Variants in CFAP57 observed in about 807,000 individuals in gnomAD.
The protein encoded by CFAP57 is cilia and flagella associated protein 57.
Under a neutral mutation model 146.8 loss-of-function variants are expected in CFAP57, and 116 were observed. That is an observed-to-expected ratio of 0.79 (90% CI 0.68 to 0.92). The LOEUF (loss-of-function observed/expected upper bound fraction) is 0.92, where lower values mean the gene tolerates loss of function less well. Ranked by LOEUF, CFAP57 falls within the 40% of genes least tolerant of loss-of-function variation. The pLI, the probability that CFAP57 is intolerant of heterozygous loss-of-function variation, is 0.00. For synonymous variants in CFAP57, 518 were observed against 552.8 expected (o/e 0.94, Z 0.88); for missense variants, 1,377 against 1,527.2 (o/e 0.90, Z 1.64).
Position 43,183,802 on chromosome 1 carries a change from G to A in CFAP57, c.686G>A (p.Arg229His), listed in dbSNP as rs142097853. Residue 229 changes from arginine (R) to histidine (H), a missense_variant, in exon 4 of 23, where the codon CGT becomes CAT. Coordinates refer to ENST00000372492, the MANE Select transcript of CFAP57 (RefSeq NM_001378189.1). ...KLFLFESGDQ[R>H]WETSIMVKEP... ...TTCCTCTTTGAATCTGGAGATCAGC[G>A]TTGGGAGACCAGCATAATGGTCAAG... 121 of 1,614,216 alleles carry A rather than the reference G, an allele frequency of 7.5e-5. No homozygotes were observed. In the African/African-American group the frequency reaches 1.4e-3, roughly 18 times the overall value.
rs997718179 is a variant in CFAP57, at chr1:43,181,830, C to G, written c.454C>G (p.Gln152Glu). 2 of 1,614,196 alleles carry G rather than the reference C, an allele frequency of 1.2e-6. No individual in the cohort carries two copies. Among genetic ancestry groups the G allele is most frequent in the Admixed American group, 1.7e-5 (1 of 60,028 alleles). Residue 152 changes from glutamine to glutamate, a missense_variant, in exon 3 of 23, where the codon CAG becomes GAG. Transcript: ENST00000372492. ...AATGGCCATTGTTAGAATCGACACT[C>G]AGAACAACCCTGTCTACCAGGTACC... ...KVMAIVRIDT[Q>E]NNPVYQVSFS... is the part of the protein sequence containing the mutation.
In CFAP57 at chr1:43,236,912, C is replaced by CT. The variant is rs112784557; in HGVS notation, c.3405+2274_3405+2275insT. Among the ~76,000 whole-genome samples the CT allele has an allele frequency of 3.2e-3, 389 of 122,668 alleles. 2 individuals are homozygous for CT. The highest frequency in any genetic ancestry group is 5.9e-3 in the Non-Finnish European group (327 of 55,098). 80.5% of individuals were successfully genotyped at this position (122,668 alleles called of 152,430 possible). A position where few individuals can be genotyped will look rare whatever the true frequency, so the allele number is the denominator to read the frequency against. On this transcript the variant is annotated intron_variant, in intron 21 of 22. Coordinates refer to ENST00000372492, the MANE Select transcript of CFAP57 (RefSeq NM_001378189.1). The stretch of plus-strand genomic sequence containing the variant: ...CGACAGAGCGAGACTCCATCCCCCC[C>CT]CAAAAAAAAAAGGCAATTTCCATCC...
At chr1:43,237,286 C>G (rs1218390313) in intron 21 of CFAP57, among the ~76,000 whole-genome samples, 1 of 152,184 alleles carries the variant, frequency 6.6e-6, no homozygotes, top group Non-Finnish European at 1.5e-5. Context: ...TCAGCCTCCC[C>G]ACTCCATTCC....
rs1644142940 is a variant in CFAP57, at chr1:43,201,918, G to A, written c.1542+2415G>A. On this transcript the variant is annotated intron_variant, in intron 9 of 22. Transcript: ENST00000372492. This position sits in a 1 kb window ranked among gnomAD's most constrained non-coding sequence, Gnocchi z 4.4. ...GCGTGAGCCACCGCGCCTGGCCCACGGACATTATTAATGAGAGCTGCTGAG... is the reference window on the plus strand; with the variant it reads ...GCGTGAGCCACCGCGCCTGGCCCACAGACATTATTAATGAGAGCTGCTGAG... 1.3e-5 allele frequency among the ~76,000 whole-genome samples: 2 copies of A among 151,960 alleles called. No individual in the cohort carries two copies. The highest frequency in any genetic ancestry group is 6.6e-5 in the Admixed American group (1 of 15,250).
intron 18 of CFAP57, among the ~76,000 whole-genome samples, chr1:43,231,193 G>A (rs537456971): frequency 3.5e-4 from 53 of 152,294 alleles, no homozygotes; most frequent in African/African-American, 1.2e-3. Context: ...AATGCTTCCA[G>A]TAATGAGGAA....
intron 13 of CFAP57, among the ~76,000 whole-genome samples, chr1:43,220,789 C>T (rs538974374): frequency 9.2e-6 from 1 of 108,676 alleles, no homozygotes; most frequent in Admixed American, 1.2e-4. Flanking sequence ...GTCTATGGGT[C>T]ATAAAGTTCG....
intron 22 of CFAP57, among the ~76,000 whole-genome samples, chr1:43,244,921 A>C (rs1282033627): frequency 6.6e-6 from 1 of 152,104 alleles, no homozygotes; most frequent in Non-Finnish European, 1.5e-5. Context: ...AAAAACAAAA[A>C]AACAAAAAAA....
At position 43,222,896 on chromosome 1, in the gene CFAP57, C is replaced by T. The variant is rs558523595; in HGVS notation, c.2605C>T (p.Arg869Ter). The change falls in exon 16 of 23, where the codon CGA becomes TGA. Residue 869 changes from arginine (R) to a stop codon, truncating the protein, a stop_gained. Coordinates refer to ENST00000372492, the MANE Select transcript of CFAP57 (RefSeq NM_001378189.1). LOFTEE classifies it high-confidence loss of function. ...TKKQIEEDED[R>*]EIQDIKTKYE... ...GAAGCAGATTGAGGAAGATGAAGAC[C>T]GAGAAATCCAAGATATCAAAACCAA... 1.4e-5 allele frequency: 21 copies of T among 1,550,170 alleles called. No individual in the cohort carries two copies. Among genetic ancestry groups the T allele is most frequent in the African/African-American group, 2.7e-5 (2 of 73,008 alleles).
Position 43,227,035 on chromosome 1 carries a change from A to G in CFAP57, c.2918A>G (p.Lys973Arg). The G allele has an allele frequency of 3.2e-6, 5 of 1,538,774 alleles. No homozygotes were observed. In the South Asian group the frequency reaches 4.9e-5, roughly 15 times the overall value. ...AAAAATCAAGAACTAGGGAAATTCA[A>G]GTTTGTGCTTGACTACAAAATAAAG... ...KKKNQELGKF[K>R]FVLDYKIKEL... The change falls in exon 18 of 23, where the codon AAG (lysine) becomes AGG (arginine). Residue 973 changes from lysine to arginine, a missense_variant. Physicochemically the swap from Lys to Arg is conservative, Grantham distance 26. Transcript: ENST00000372492.
At chr1:43,247,691 A>G (rs955146913) in intron 22 of CFAP57, among the ~76,000 whole-genome samples, 1 of 152,246 alleles carries the variant, frequency 6.6e-6, no homozygotes. Context: ...AGAATATTTT[A>G]TTATCTAAAC....
rs139299828 is a variant in CFAP57, at chr1:43,210,431, A to G, written c.1929+515A>G. The G allele has an allele frequency of 6.8e-5, 78 of 1,152,818 alleles. No individual in the cohort carries two copies. The African/African-American group carries it at 7.4e-4, about 11-fold the overall frequency. 71.4% of individuals were successfully genotyped at this position (1,152,818 alleles called of 1,614,324 possible). A position where few individuals can be genotyped will look rare whatever the true frequency, so the allele number is the denominator to read the frequency against. On this transcript the variant is annotated intron_variant, in intron 11 of 22. Transcript: ENST00000372492. ...AAAATGTGGAAGCAACCAAGCATCC[A>G]TCGACAGACGAATGCATAAGCAAAA...
At chr1:43,203,267 T>A (rs1204711841) in intron 9 of CFAP57, among the ~76,000 whole-genome samples, 1 of 152,038 alleles carries the variant, frequency 6.6e-6, no homozygotes, top group Non-Finnish European at 1.5e-5. Context: ...ACTGGGGAAT[T>A]TTATCAACAT....
rs1005566336 is a variant in CFAP57, at chr1:43,234,482, T to C, written c.3262-13T>C. 1.2e-5 allele frequency: 18 copies of C among 1,546,042 alleles called. No homozygotes were observed. In the Middle Eastern group the frequency reaches 6.7e-4, roughly 57 times the overall value. ...CTCCTCTCCCTCACTGAGAATCTCC[T>C]GGGCCCCGTCAGGTGGAGATCGCAG... On this transcript the variant is annotated splice_polypyrimidine_tract_variant and intron_variant, in intron 20 of 22. Coordinates refer to ENST00000372492, the MANE Select transcript of CFAP57 (RefSeq NM_001378189.1).
chr1:43,220,914 C>T (rs904754944), intron 13 of CFAP57, among the ~76,000 whole-genome samples: 2 of 152,064 alleles, frequency 1.3e-5, no homozygotes, highest in South Asian at 4.2e-4. Context: ...ATAAGCCAGG[C>T]GCAAAGTTAG....
At chr1:43,222,799 C>T (rs181851855) in intron 15 of CFAP57, 25 bp from the exon 16 acceptor site, 1 of 1,515,468 alleles carries the variant, frequency 6.6e-7, no homozygotes, top group Non-Finnish European at 8.9e-7. Flanking sequence ...CTCCCCTGAC[C>T]ACACGCCCAC....
intron 2 of CFAP57, among the ~76,000 whole-genome samples, chr1:43,180,229 A>G (rs1645343609): frequency 6.9e-6 from 1 of 144,138 alleles, no homozygotes. Flanking sequence ...TATTTTATAT[A>G]TATATATATA....
chr1:43,254,262 C>A lies in CFAP57; in HGVS notation c.*71C>A, dbSNP rs16830636. The A allele has an allele frequency of 3.6e-6, 5 of 1,382,174 alleles. No homozygotes were observed. In the East Asian group the frequency reaches 1.0e-4, roughly 28 times the overall value. The allele number at this position is 1,382,174 out of a possible 1,614,324, so 85.6% of individuals were successfully genotyped here. A position where few individuals can be genotyped will look rare whatever the true frequency, so the allele number is the denominator to read the frequency against. ...CATGTCTGTCCCCAAGCCAGACTTG[C>A]GGTTGGAGTCTGTATGGTCCCTGCA... On this transcript the variant is annotated 3_prime_UTR_variant, in exon 23 of 23. Transcript: ENST00000372492.
intron 12 of CFAP57, among the ~76,000 whole-genome samples, chr1:43,217,048 G>T (rs1452757153): frequency 6.6e-6 from 1 of 152,248 alleles, no homozygotes; most frequent in African/African-American, 2.4e-5. Flanking sequence ...GAGGACATGA[G>T]CCTTGCTCAG....
intron 22 of CFAP57, among the ~76,000 whole-genome samples, chr1:43,253,376 G>C (rs936690155): frequency 6.6e-6 from 1 of 152,206 alleles, no homozygotes; most frequent in Non-Finnish European, 1.5e-5. Context: ...CCACAGGAGT[G>C]GGTGCTGGCA....
Sources: allele counts gnomAD v4.1 joint callset (sites outside exome capture counted in the v4.1 genomes callset), GRCh38; gene constraint gnomAD v4.1.1; non-coding constraint Gnocchi (gnomAD v3.1); transcripts MANE v1.5; gene names NCBI Gene and HGNC (gene_info 2026-07-23, HGNC 2026-07-21).